Variants in MGLL observed in about 807,000 individuals in gnomAD.
MGLL encodes monoglyceride lipase.
A neutral mutation model predicts 29.1 loss-of-function variants in MGLL; 7 were observed. That is an observed-to-expected ratio of 0.24 (90% CI 0.14 to 0.45). The LOEUF is 0.45. MGLL is among the 20% of genes least tolerant of loss of function. The probability of loss-of-function intolerance (pLI) is 0.99; values close to 1 mark genes in which losing one functional copy is unlikely to be tolerated. For synonymous variants in MGLL, 148 were observed against 168.3 expected, an observed-to-expected ratio of 0.88 and a Z score of 0.93; for missense variants, 356 against 413.6, an observed-to-expected ratio of 0.86 and a Z score of 1.21.
chr3:127,695,212 T>C (rs767009822), intron 6 of MGLL, 22 bp from the exon 7 acceptor site: 2 of 1,604,840 alleles, frequency 1.2e-6, no homozygotes, highest in South Asian at 1.1e-5. Context: ...AGGAGAGGGT[T>C]CCATCAGCAT....
At chr3:127,738,105 G>A (rs140439802) in intron 3 of MGLL, among the ~76,000 whole-genome samples, 23 of 152,038 alleles carry the variant, frequency 1.5e-4, no homozygotes, top group African/African-American at 5.5e-4. Context: ...TTTGAGACCA[G>A]CCTGGACAAC....
intron 2 of MGLL, among the ~76,000 whole-genome samples, chr3:127,809,441 C>G (rs2077622850): frequency 6.6e-6 from 1 of 152,068 alleles, no homozygotes; most frequent in African/African-American, 2.4e-5. Context: ...GCCTGGGCAA[C>G]ATAGTGAGAT....
intron 2 of MGLL, among the ~76,000 whole-genome samples, chr3:127,795,159 G>C (rs1391692137): frequency 6.6e-6 from 1 of 152,150 alleles, no homozygotes; most frequent in Non-Finnish European, 1.5e-5. Context: ...ATAAAGAAAA[G>C]GTGGTACATA....
chr3:127,820,359 G>C (rs146108744), intron 2 of MGLL, among the ~76,000 whole-genome samples: 3 of 152,148 alleles, frequency 2.0e-5, no homozygotes, highest in Non-Finnish European at 4.4e-5. Context: ...CAACTTGACC[G>C]TTTCTAACCC....
At chr3:127,746,088 A>T (rs2076436614) in intron 3 of MGLL, among the ~76,000 whole-genome samples, 1 of 152,152 alleles carries the variant, frequency 6.6e-6, no homozygotes, top group African/African-American at 2.4e-5. Flanking sequence ...GAAGAGATGG[A>T]AGATTGAGAA....
rs890541588 is a variant in MGLL at position 127,775,885 on chromosome 3, C to T, written c.262+5904G>A. Among the ~76,000 whole-genome samples the T allele has an allele frequency of 3.9e-5, 6 of 152,238 alleles. No homozygotes were observed. In the South Asian group the frequency reaches 1.2e-3, roughly 32 times the overall value. ...TCCTGGGTGGGTCCATGTGTGCCCTCCTCCCGGAGTCCTCCTTGCCCCCTC... is the reference window on the plus strand; with the variant it reads ...TCCTGGGTGGGTCCATGTGTGCCCTTCTCCCGGAGTCCTCCTTGCCCCCTC... On this transcript the variant is annotated intron_variant, in intron 3 of 7. Transcript: ENST00000265052.
chr3:127,753,411 T>A (rs1200290304), intron 3 of MGLL, among the ~76,000 whole-genome samples: 1 of 152,246 alleles, frequency 6.6e-6, no homozygotes, highest in Non-Finnish European at 1.5e-5. Flanking sequence ...TTCTCAGGGC[T>A]TAGGTGTGAG....
At chr3:127,728,136 T>C (rs2076080874) in intron 3 of MGLL, among the ~76,000 whole-genome samples, 1 of 152,260 alleles carries the variant, frequency 6.6e-6, no homozygotes, top group African/African-American at 2.4e-5. Context: ...TATGAAAACG[T>C]GTACTTGACA....
intron 3 of MGLL, among the ~76,000 whole-genome samples, chr3:127,769,355 A>T (rs541982742): frequency 5.7e-5 from 1 of 17,534 alleles, no homozygotes; most frequent in East Asian, 1.5e-3. Context: ...TATCTCAAAA[A>T]AAAAGAAAAA....
At chr3:127,753,363 G>T (rs1352463147) in intron 3 of MGLL, among the ~76,000 whole-genome samples, 1 of 152,200 alleles carries the variant, frequency 6.6e-6, no homozygotes, top group Non-Finnish European at 1.5e-5. Flanking sequence ...GGTCCTTGAT[G>T]TGACCAGTTT....
At chr3:127,815,951 C>T (rs1265279873) in intron 2 of MGLL, among the ~76,000 whole-genome samples, 4 of 152,176 alleles carry the variant, frequency 2.6e-5, no homozygotes, top group Non-Finnish European at 5.9e-5. Context: ...CTGAATGAAT[C>T]GCTGCTTTGG....
chr3:127,790,677 C>A (rs1178277536), intron 2 of MGLL, among the ~76,000 whole-genome samples: 3 of 152,210 alleles, frequency 2.0e-5, no homozygotes, highest in African/African-American at 7.2e-5. Flanking sequence ...GTCCACTGCC[C>A]TTACGGAAGT....
Position 127,822,378 on chromosome 3 carries a change from T to A in MGLL, c.-60A>T, listed in dbSNP as rs1048104836. On this transcript the variant is annotated 5_prime_UTR_variant, in exon 1 of 8. Transcript: ENST00000265052. Reference sequence around the variant, plus strand: ...GCCTGGAGAATCAGAACCAGGCAAATCGGGCTGTTCCCTCATCTGGGCGGC... The same window carrying A: ...GCCTGGAGAATCAGAACCAGGCAAAACGGGCTGTTCCCTCATCTGGGCGGC... 6.3e-7 allele frequency: 1 copy of A among 1,596,420 alleles called. No homozygotes were observed. The highest frequency in any genetic ancestry group is 8.6e-7 in the Non-Finnish European group (1 of 1,164,324).
intron 2 of MGLL, among the ~76,000 whole-genome samples, chr3:127,820,656 C>G (rs937264894): frequency 6.6e-6 from 1 of 152,168 alleles, no homozygotes; most frequent in African/African-American, 2.4e-5. Context: ...ACAACCCCCC[C>G]ACTTCCTCTA....
At chr3:127,722,032 A>C (rs1026238992) in intron 4 of MGLL, among the ~76,000 whole-genome samples, 1 of 152,238 alleles carries the variant, frequency 6.6e-6, no homozygotes, top group Admixed American at 6.5e-5. Flanking sequence ...CTCTGTCCCT[A>C]GTTAACATTT....
chr3:127,763,765 C>T (rs937906474), intron 3 of MGLL, among the ~76,000 whole-genome samples: 5 of 152,164 alleles, frequency 3.3e-5, no homozygotes, highest in Non-Finnish European at 7.4e-5. Context: ...GCCCTCCCGT[C>T]CTCAAACTCT....
At chr3:127,708,352 A>C (rs2075643450) in intron 6 of MGLL, among the ~76,000 whole-genome samples, 2 of 152,162 alleles carry the variant, frequency 1.3e-5, no homozygotes, top group South Asian at 4.1e-4. Flanking sequence ...AGGGACATTT[A>C]TTAGTGTTTC....
At chr3:127,776,655 T>C (rs987407931) in intron 3 of MGLL, among the ~76,000 whole-genome samples, 7 of 152,322 alleles carry the variant, frequency 4.6e-5, no homozygotes, top group African/African-American at 1.7e-4. Flanking sequence ...TCCACCTGCT[T>C]GGTCACCAGA....
chr3:127,804,173 C>G (rs1364729816), intron 2 of MGLL, among the ~76,000 whole-genome samples: 1 of 152,232 alleles, frequency 6.6e-6, no homozygotes, highest in Non-Finnish European at 1.5e-5. Flanking sequence ...AAAAGCTGAT[C>G]TGGAGCCATT....
Sources: gnomAD v4.1 joint callset for allele counts (sites outside exome capture counted in the v4.1 genomes callset) on GRCh38, gnomAD v4.1.1 for gene constraint, MANE v1.5 for transcripts, NCBI Gene and HGNC (gene_info 2026-07-23, HGNC 2026-07-21) for gene names.